The following WNK3 variants were observed in gnomAD, a reference collection of about 807,000 sequenced individuals.
The protein encoded by WNK3 is serine/threonine-protein kinase WNK3.
Under a neutral mutation model 116.7 loss-of-function variants are expected in WNK3, and 18 were observed. The observed-to-expected ratio is 0.15, with a 90% CI of 0.11 to 0.23. The LOEUF is 0.23. WNK3 is among the 10% of genes least tolerant of loss of function. The pLI is 1.00. For missense variants in WNK3, 993 were observed against 1,323.8 expected (o/e 0.75, Z 3.88); for synonymous variants, 404 against 469.4 (o/e 0.86, Z 1.80).
chrX:54,269,756 G>A (rs994785144), intron 10 of WNK3, among the ~76,000 whole-genome samples: 3 of 110,821 alleles, frequency 2.7e-5, no homozygotes, highest in Non-Finnish European at 5.7e-5. Context: ...ATTGATACAT[G>A]CAACAATGTA....
chrX:54,200,929 CT>C (rs2067494917), intron 23 of WNK3, among the ~76,000 whole-genome samples: 1 of 111,872 alleles, frequency 8.9e-6, no homozygotes, highest in African/African-American at 3.2e-5. Flanking sequence ...TGCTCACTAG[CT>C]TGGGAAATCG....
chrX:54,345,282 A>ATATG lies in WNK3; in HGVS notation c.-119-11494_-119-11491dup, dbSNP rs572331448. On this transcript the variant is annotated intron_variant, in intron 1 of 23. Transcript: ENST00000354646. The stretch of plus-strand genomic sequence containing the variant: ...AACAACAACAACAACAACTATATAT[A>ATATG]TATGTATGTATGTATGTATGTATGT... 1.9e-3 allele frequency among the ~76,000 whole-genome samples: 195 copies of ATATG among 100,903 alleles called. 1 individual carries two copies. The highest frequency in any genetic ancestry group is 5.0e-3 in the Middle Eastern group (1 of 199). 87.6% of individuals were successfully genotyped at this position (100,903 alleles called of 115,157 possible). A position where few individuals can be genotyped will look rare whatever the true frequency, so the allele number is the denominator to read the frequency against.
intron 2 of WNK3, among the ~76,000 whole-genome samples, chrX:54,318,744 T>C (rs887343972): frequency 9.0e-6 from 1 of 110,763 alleles, no homozygotes; most frequent in Non-Finnish European, 1.9e-5. Context: ...AGGAAACAAG[T>C]AGAGTCTTTA....
intron 2 of WNK3, among the ~76,000 whole-genome samples, chrX:54,316,652 G>A (rs2068961187): frequency 1.8e-5 from 2 of 110,041 alleles, no homozygotes; most frequent in Admixed American, 2.0e-4. Context: ...AACTTGATCT[G>A]GGACTTATAA....
chrX:54,224,429 T>C (rs994141120), intron 22 of WNK3, among the ~76,000 whole-genome samples: 7 of 108,008 alleles, frequency 6.5e-5, no homozygotes, highest in Non-Finnish European at 1.3e-4. Flanking sequence ...ATAATAATAA[T>C]AATTCTCCTT....
At chrX:54,267,127 T>A (rs1459857841) in intron 10 of WNK3, among the ~76,000 whole-genome samples, 1 of 112,063 alleles carries the variant, frequency 8.9e-6, no homozygotes, top group Non-Finnish European at 1.9e-5. Context: ...GCAGCACTAT[T>A]TACAATAGCA....
exon 5 of WNK3, chrX:54,307,937 G>A: frequency 8.4e-7 from 1 of 1,191,166 alleles, no homozygotes; most frequent in Admixed American, 2.3e-5. Flanking sequence ...TTACTTTCCG[G>A]TATATTTGAG....
At chrX:54,338,745 T>C (rs1193212097) in intron 1 of WNK3, among the ~76,000 whole-genome samples, 4 of 110,183 alleles carry the variant, frequency 3.6e-5, no homozygotes, top group Non-Finnish European at 5.7e-5. Flanking sequence ...CTCACACTTG[T>C]AAACCCAGCA....
At chrX:54,249,873 A>G in intron 16 of WNK3, 121 bp downstream of exon 16, 1 of 936,311 alleles carries the variant, frequency 1.1e-6, no homozygotes, top group Non-Finnish European at 1.4e-6. Context: ...AATGTCTTCA[A>G]AAAAGCTTAT....
At chrX:54,210,700 A>G (rs782563898) in intron 22 of WNK3, among the ~76,000 whole-genome samples, 1 of 111,905 alleles carries the variant, frequency 8.9e-6, no homozygotes, top group Admixed American at 9.6e-5. Context: ...AGTTAATTTA[A>G]CAGAAGTACA....
exon 24 of WNK3, chrX:54,194,694 A>T (rs2067428248): frequency 9.0e-6 from 1 of 111,600 alleles, no homozygotes; most frequent in South Asian, 3.7e-4. Context: ...AGCACTGGGA[A>T]AAAAGAGGCA....
At chrX:54,238,356 G>A (rs201834658) in exon 19 of WNK3, 23 of 1,205,311 alleles carry the variant, frequency 1.9e-5, no homozygotes, top group South Asian at 7.2e-5. Context: ...AACCGACCCC[G>A]CTGAAATGAT....
chrX:54,312,739 C>T (rs180944648), intron 2 of WNK3, among the ~76,000 whole-genome samples: 4 of 111,632 alleles, frequency 3.6e-5, no homozygotes, highest in Admixed American at 1.9e-4. Context: ...TTGCGCCCGG[C>T]CTTCTCATTC....
rs544963189 is a variant in WNK3, at chrX:54,336,314, T to A, written c.-119-2522A>T. Among the ~76,000 whole-genome samples the A allele has an allele frequency of 1.8e-4, 20 of 110,032 alleles. 1 individual carries two copies. In the South Asian group the frequency reaches 8.0e-3, roughly 44 times the overall value. On this transcript the variant is annotated intron_variant, in intron 1 of 23. Transcript: ENST00000354646. ...CAGCCTGGGTGACAGAGTGAGACTC[T>A]GTCTCACCCCTGCCCCACCCTCCCC...
intron 10 of WNK3, among the ~76,000 whole-genome samples, chrX:54,282,767 T>G (rs981070555): frequency 1.8e-5 from 2 of 111,760 alleles, no homozygotes; most frequent in Non-Finnish European, 3.8e-5. Context: ...GATGTCCACA[T>G]GGATAGAATG....
intron 1 of WNK3, among the ~76,000 whole-genome samples, chrX:54,337,789 A>G (rs2069262348): frequency 9.1e-6 from 1 of 110,075 alleles, no homozygotes; most frequent in Non-Finnish European, 1.9e-5. Context: ...ATCTTTGGCC[A>G]GACACAGTAG....
exon 24 of WNK3, chrX:54,197,644 G>T (rs1557140464): frequency 9.3e-6 from 1 of 107,164 alleles, no homozygotes; most frequent in Non-Finnish European, 1.9e-5. Context: ...AGAATCGCTT[G>T]AACCCAGGAG....
At chrX:54,294,516 C>G (rs781843450) in intron 8 of WNK3, 37 bp downstream of exon 8, 1 of 1,045,978 alleles carries the variant, frequency 9.6e-7, no homozygotes, top group African/African-American at 1.9e-5. Context: ...AATATAATTG[C>G]ACATGCGTTT....
chrX:54,239,768 C>T (rs1207307105), intron 17 of WNK3, among the ~76,000 whole-genome samples: 4 of 111,346 alleles, frequency 3.6e-5, no homozygotes, highest in Non-Finnish European at 5.6e-5. Context: ...CTACTCCCCG[C>T]AAAAGGGCCC....
Sources: gnomAD v4.1 joint callset for allele counts (sites outside exome capture counted in the v4.1 genomes callset) on GRCh38, gnomAD v4.1.1 for gene constraint, MANE v1.5 for transcripts, NCBI Gene and HGNC (gene_info 2026-07-23, HGNC 2026-07-21) for gene names.